Variants in WDR35 observed in about 807,000 individuals in gnomAD.
WDR35 encodes the protein WD repeat-containing protein 35.
Under a neutral mutation model 158.3 loss-of-function variants are expected in WDR35, and 118 were observed. The ratio of observed to expected loss-of-function variants is 0.75; its 90% CI spans 0.64 to 0.87. The LOEUF (loss-of-function observed/expected upper bound fraction) is 0.87. Among genes scored for constraint, WDR35 ranks in the 40% least tolerant of loss-of-function variants. The probability of loss-of-function intolerance (pLI) is 0.00; values close to 1 mark genes in which losing one functional copy is unlikely to be tolerated. For missense variants in WDR35, 1,263 were observed against 1,405.8 expected, an observed-to-expected ratio of 0.90 and a Z score of 1.62; for synonymous variants, 448 against 476.1, an observed-to-expected ratio of 0.94 and a Z score of 0.77.
intron 2 of WDR35, among the ~76,000 whole-genome samples, chr2:19,984,036 TATATACATATATAC>T (rs1284700738): frequency 0.27 from 1,354 of 5,016 alleles, 19 homozygotes; most frequent in Admixed American, 0.33. Flanking sequence ...TATATATATA[TATATACATATATAC>T]ACACACCCAC....
chr2:19,927,706 TG>T (rs1356273214), intron 25 of WDR35, among the ~76,000 whole-genome samples: 4 of 152,228 alleles, frequency 2.6e-5, no homozygotes, highest in African/African-American at 9.6e-5. Flanking sequence ...AACTTGTTTT[TG>T]GATATAGCAA....
rs1669892644 is a variant in WDR35, at chr2:19,913,362, A to G, written c.*196T>C. On this transcript the variant is annotated 3_prime_UTR_variant, in exon 27 of 27. Transcript: ENST00000281405. ...TTGATTTTCATACATTTATATGAAA[A>G]TCGGCCTTATTATTTCACAGTTGTA... 1 of 537,974 alleles carries G rather than the reference A, an allele frequency of 1.9e-6. No individual in the cohort carries two copies. The highest frequency in any genetic ancestry group is 3.1e-6 in the Non-Finnish European group (1 of 318,142). 33.3% of individuals were successfully genotyped at this position (537,974 alleles called of 1,614,324 possible). A position where few individuals can be genotyped will look rare whatever the true frequency, so the allele number is the denominator to read the frequency against.
intron 25 of WDR35, among the ~76,000 whole-genome samples, chr2:19,923,576 C>A (rs766089385): frequency 6.6e-6 from 1 of 152,172 alleles, no homozygotes; most frequent in Non-Finnish European, 1.5e-5. Flanking sequence ...TCCTTCTGCA[C>A]CCCCTCATTA....
chr2:19,960,063 T>C (rs923377539), intron 11 of WDR35, among the ~76,000 whole-genome samples: 1 of 152,040 alleles, frequency 6.6e-6, no homozygotes, highest in Non-Finnish European at 1.5e-5. Flanking sequence ...TCCCTATTAA[T>C]AGACTCATTT....
chr2:19,915,584 A>T (rs569281179), intron 25 of WDR35, among the ~76,000 whole-genome samples: 5 of 152,254 alleles, frequency 3.3e-5, no homozygotes, highest in African/African-American at 1.2e-4. Context: ...TTTATGTCAC[A>T]TATTAGTTAA....
rs761052232 is a variant in WDR35 at position 19,946,526 on chromosome 2, A to C, written c.1569T>G (p.Val523=). The C allele has an allele frequency of 6.2e-7, 1 of 1,613,706 alleles. No homozygotes were observed. Reference sequence around the variant, plus strand: ...TAAGGGAATATTTTTGAATCAAACCAACATTAGGTAGACTGTATCTCTGAA... The same window carrying C: ...TAAGGGAATATTTTTGAATCAAACCCACATTAGGTAGACTGTATCTCTGAA... ...GTIQRYSLPN[V]GLIQKYSLNC... The change falls in exon 15 of 27, where the codon GTT becomes GTG. Residue 523 remains valine, a synonymous_variant. Coordinates refer to ENST00000281405, the MANE Select transcript of WDR35 (RefSeq NM_020779.4).
chr2:19,915,220 C>T (rs1194389293), intron 25 of WDR35, among the ~76,000 whole-genome samples: 1 of 151,854 alleles, frequency 6.6e-6, no homozygotes, highest in East Asian at 1.9e-4. Context: ...TTCATAAAAC[C>T]AGTTTAAACA....
chr2:19,983,557 T>C (rs945649369), intron 2 of WDR35, among the ~76,000 whole-genome samples: 2 of 152,124 alleles, frequency 1.3e-5, no homozygotes, highest in African/African-American at 2.4e-5. Context: ...ACATAAAACA[T>C]AGCATTTAAA....
In WDR35 at chr2:19,913,345, C is replaced by A. The variant is rs968549353; in HGVS notation, c.*213G>T. ...GGTGAGAGAAAACATGGTTGATTTT[C>A]ATACATTTATATGAAAATCGGCCTT... On this transcript the variant is annotated 3_prime_UTR_variant, in exon 27 of 27. Coordinates refer to ENST00000281405, the MANE Select transcript of WDR35 (RefSeq NM_020779.4). 4 of 490,278 alleles carry A rather than the reference C, an allele frequency of 8.2e-6. No homozygotes were observed. Among genetic ancestry groups the A allele is most frequent in the Non-Finnish European group, 1.4e-5 (4 of 283,636 alleles). 30.4% of individuals were successfully genotyped at this position (490,278 alleles called of 1,614,324 possible). A position where few individuals can be genotyped will look rare whatever the true frequency, so the allele number is the denominator to read the frequency against.
intron 8 of WDR35, among the ~76,000 whole-genome samples, chr2:19,971,564 T>C (rs1424850663): frequency 1.3e-5 from 2 of 152,358 alleles, no homozygotes; most frequent in East Asian, 3.9e-4. Flanking sequence ...ATGCAGTCTG[T>C]GGTATTCTGT....
At chr2:19,929,687 T>C (rs1670468251) in intron 25 of WDR35, among the ~76,000 whole-genome samples, 1 of 152,216 alleles carries the variant, frequency 6.6e-6, no homozygotes, top group Non-Finnish European at 1.5e-5. Flanking sequence ...TATAGATCTC[T>C]GTTTAAGAAT....
intron 4 of WDR35, among the ~76,000 whole-genome samples, chr2:19,980,364 G>A (rs1672346163): frequency 1.3e-5 from 2 of 151,778 alleles, no homozygotes; most frequent in South Asian, 2.1e-4. Context: ...ATTATAAACT[G>A]GAACTACCTA....
chr2:19,973,453 C>A, intron 8 of WDR35, 110 bp downstream of exon 8: 1 of 1,327,118 alleles, frequency 7.5e-7, no homozygotes, highest in Non-Finnish European at 1.1e-6. Flanking sequence ...ATGAAATGTC[C>A]CTAAAAGAAA....
rs188002315 is a variant in WDR35 at position 19,921,838 on chromosome 2, A to T, written c.3122-7561T>A. On this transcript the variant is annotated intron_variant, in intron 25 of 26. Transcript: ENST00000281405. The stretch of plus-strand genomic sequence containing the variant: ...CCTACCCATCTGACAAAGGGCTAAT[A>T]TCCAGAATCTACAAAGAACTTAAAC... Among the ~76,000 whole-genome samples, 339 of 152,348 alleles carry T rather than the reference A, an allele frequency of 2.2e-3. 1 individual carries two copies. The highest frequency in any genetic ancestry group is 3.1e-3 in the Non-Finnish European group (212 of 68,038).
intron 9 of WDR35, 65 bp downstream of exon 9, chr2:19,969,415 T>G: frequency 6.5e-7 from 1 of 1,533,028 alleles, no homozygotes. Flanking sequence ...TGAATATACT[T>G]TGAGCTATAG....
intron 25 of WDR35, among the ~76,000 whole-genome samples, chr2:19,914,795 GAAAC>G (rs1335172359): frequency 2.6e-5 from 4 of 152,086 alleles, no homozygotes; most frequent in Non-Finnish European, 2.9e-5. Flanking sequence ...TTGTCTCACT[GAAAC>G]AATAGGATTT....
chr2:19,939,721 A>T lies in WDR35; in HGVS notation c.1927-1320T>A, dbSNP rs1339031480. On this transcript the variant is annotated intron_variant, in intron 17 of 26. Transcript: ENST00000281405. ...TTAGGGTTTTTTTTTAACTTGTTTC[A>T]GTACTTTTCTGTTTTGCTTGAATTC... Among the ~76,000 whole-genome samples, 3 of 152,066 alleles carry T rather than the reference A, an allele frequency of 2.0e-5. No individual in the cohort carries two copies. The East Asian group carries it at 5.8e-4, about 29-fold the overall frequency.
At chr2:19,926,051 T>G (rs1442063323) in intron 25 of WDR35, among the ~76,000 whole-genome samples, 1 of 152,196 alleles carries the variant, frequency 6.6e-6, no homozygotes. Context: ...AGCTCCAACA[T>G]TTTCCCCTTG....
At chr2:19,926,899 G>C (rs1421424325) in intron 25 of WDR35, among the ~76,000 whole-genome samples, 1 of 71,960 alleles carries the variant, frequency 1.4e-5, no homozygotes, top group East Asian at 1.0e-3. Flanking sequence ...GGAGGATCTC[G>C]AGGACCCCCC....
Sources: gnomAD v4.1 joint callset for allele counts (sites outside exome capture counted in the v4.1 genomes callset) on GRCh38, gnomAD v4.1.1 for gene constraint, MANE v1.5 for transcripts, NCBI Gene and HGNC (gene_info 2026-07-23, HGNC 2026-07-21) for gene names.